RARB: variants seen among roughly 807,000 people sequenced by gnomAD.
The protein encoded by RARB is retinoic acid receptor beta, also known as HBV-activated protein.
Under a neutral mutation model 51.9 loss-of-function variants are expected in RARB, and 17 were observed. The ratio of observed to expected loss-of-function variants is 0.33; its 90% CI spans 0.22 to 0.49. The LOEUF (loss-of-function observed/expected upper bound fraction) is 0.49. RARB is among the 20% of genes least tolerant of loss of function. RARB has a pLI of 0.99. For missense variants in RARB, 369 were observed against 550.8 expected, an observed-to-expected ratio of 0.67 and a Z score of 3.30; for synonymous variants, 215 against 195.4, an observed-to-expected ratio of 1.10 and a Z score of -0.84.
intron 2 of RARB, among the ~76,000 whole-genome samples, chr3:25,495,793 G>A (rs959664049): frequency 6.6e-6 from 1 of 152,162 alleles, no homozygotes; most frequent in Admixed American, 6.5e-5. Context: ...CAGAAGTCAT[G>A]ACTAATCAAG....
intron 2 of RARB, among the ~76,000 whole-genome samples, chr3:25,022,139 G>A (rs1697652085): frequency 6.6e-6 from 1 of 152,122 alleles, no homozygotes; most frequent in Non-Finnish European, 1.5e-5. Flanking sequence ...TTAAACCCAA[G>A]TATAGTGTAC....
chr3:25,501,135 A>G (rs779404612), intron 2 of RARB, 47 bp from the exon 3 acceptor site: 2 of 1,534,306 alleles, frequency 1.3e-6, no homozygotes, highest in South Asian at 1.3e-5. Context: ...TTTCTGATGA[A>G]GCTCATTTGC....
chr3:25,433,728 A>G (rs1002175850), intron 1 of RARB, among the ~76,000 whole-genome samples: 3 of 152,158 alleles, frequency 2.0e-5, no homozygotes, highest in Non-Finnish European at 4.4e-5. Context: ...CCCCATCTGT[A>G]AGATCTAATA....
At chr3:24,884,030 G>C (rs1703226980) in intron 2 of RARB, among the ~76,000 whole-genome samples, 2 of 152,072 alleles carry the variant, frequency 1.3e-5, no homozygotes, top group South Asian at 4.1e-4. Flanking sequence ...TACTTTCTTG[G>C]TTTCCTGACA....
chr3:25,089,661 G>A (rs1472777400), intron 3 of RARB, among the ~76,000 whole-genome samples: 1 of 152,044 alleles, frequency 6.6e-6, no homozygotes, highest in African/African-American at 2.4e-5. Context: ...AAAGTTATTT[G>A]TTTTATTTTG....
intron 2 of RARB, among the ~76,000 whole-genome samples, chr3:24,872,401 A>G (rs1056541689): frequency 6.6e-6 from 1 of 151,986 alleles, no homozygotes; most frequent in African/African-American, 2.4e-5. Flanking sequence ...CTATTATTCC[A>G]TTTTACCTTG....
intron 2 of RARB, among the ~76,000 whole-genome samples, chr3:24,957,981 T>A (rs1445890016): frequency 6.6e-6 from 1 of 152,218 alleles, no homozygotes; most frequent in East Asian, 1.9e-4. Context: ...ATTGACTTTT[T>A]CTTAGCATAA....
intron 2 of RARB, among the ~76,000 whole-genome samples, chr3:25,048,854 C>T (rs1390631453): frequency 5.6e-5 from 8 of 143,702 alleles, no homozygotes; most frequent in African/African-American, 2.1e-4. Flanking sequence ...CTCCCGGGTT[C>T]TCGCCATTCT....
chr3:24,871,104 A>C (rs533710012), intron 2 of RARB, among the ~76,000 whole-genome samples: 67 of 152,200 alleles, frequency 4.4e-4, no homozygotes, highest in African/African-American at 1.6e-3. Flanking sequence ...TTATTAGTAC[A>C]CTTTTTAATA....
intron 2 of RARB, among the ~76,000 whole-genome samples, chr3:24,988,316 C>G (rs1400828914): frequency 2.6e-5 from 4 of 152,164 alleles, no homozygotes; most frequent in African/African-American, 4.8e-5. Context: ...ATTTTTAAAT[C>G]AAGGTCAAGA....
chr3:24,944,950 G>A (rs970550237), intron 2 of RARB, among the ~76,000 whole-genome samples: 1 of 152,118 alleles, frequency 6.6e-6, no homozygotes, highest in Admixed American at 6.5e-5. Flanking sequence ...GAGAAATTGG[G>A]AAAAAGTGCC....
At chr3:24,988,652 C>T (rs939766976) in intron 2 of RARB, among the ~76,000 whole-genome samples, 2 of 151,970 alleles carry the variant, frequency 1.3e-5, no homozygotes, top group Admixed American at 1.3e-4. Flanking sequence ...CCCACTCTAC[C>T]TTCCTTTACA....
chr3:25,200,682 C>T (rs2125370344), intron 5 of RARB, among the ~76,000 whole-genome samples: 1 of 152,132 alleles, frequency 6.6e-6, no homozygotes, highest in African/African-American at 2.4e-5. Context: ...TTCCCAGCAC[C>T]ATTTATTAAA....
intron 4 of RARB, among the ~76,000 whole-genome samples, chr3:25,572,941 C>A (rs576904081): frequency 6.6e-6 from 1 of 152,102 alleles, no homozygotes; most frequent in African/African-American, 2.4e-5. Flanking sequence ...CAGCATTTGC[C>A]GCTCCTGGAA....
At chr3:25,229,306 A>G (rs1401777949) in intron 5 of RARB, among the ~76,000 whole-genome samples, 2 of 152,096 alleles carry the variant, frequency 1.3e-5, no homozygotes, top group Non-Finnish European at 2.9e-5. Context: ...GAAAGATAAT[A>G]TACATAACTT....
At chr3:25,005,805 G>A (rs1188274568) in intron 2 of RARB, among the ~76,000 whole-genome samples, 1 of 152,108 alleles carries the variant, frequency 6.6e-6, no homozygotes, top group African/African-American at 2.4e-5. Flanking sequence ...ACTTTGATAT[G>A]CAAGTCAGAT....
chr3:24,847,311 T>A (rs1342925301), intron 1 of RARB, among the ~76,000 whole-genome samples: 3 of 152,228 alleles, frequency 2.0e-5, no homozygotes, highest in Non-Finnish European at 4.4e-5. Flanking sequence ...CCCTGAAGAA[T>A]GTCTCCTGGT....
At chr3:24,912,483 A>G (rs981052336) in intron 2 of RARB, among the ~76,000 whole-genome samples, 5 of 152,180 alleles carry the variant, frequency 3.3e-5, no homozygotes, top group African/African-American at 1.2e-4. Flanking sequence ...CAGATATAAG[A>G]TGAATTGGGT....
rs538591999 is a variant in RARB at position 25,005,858 on chromosome 3, T to A, written c.-379-54267T>A. The stretch of plus-strand genomic sequence containing the variant: ...GAAAACTTTTCAATGGTTTTCTATT[T>A]CACTTAGCATAAGAGTCAAAGTCCT... On this transcript the variant is annotated intron_variant, in intron 2 of 11. Coordinates refer to the RARB transcript ENST00000383772. 3.3e-5 allele frequency among the ~76,000 whole-genome samples: 5 copies of A among 152,270 alleles called. No homozygotes were observed. In the South Asian group the frequency reaches 1.0e-3, roughly 32 times the overall value.
Sources: allele counts gnomAD v4.1 joint callset (sites outside exome capture counted in the v4.1 genomes callset), GRCh38; gene constraint gnomAD v4.1.1; transcripts MANE v1.5; gene names NCBI Gene and HGNC (gene_info 2026-07-23, HGNC 2026-07-21).